CNTNAP2: variants seen among roughly 807,000 people sequenced by gnomAD.
The protein encoded by CNTNAP2 is contactin associated protein 2.
A neutral mutation model predicts 155.2 loss-of-function variants in CNTNAP2; 98 were observed. That is an observed-to-expected ratio of 0.63 (90% CI 0.54 to 0.75). The LOEUF is 0.75. Ranked by LOEUF, CNTNAP2 falls within the 30% of genes least tolerant of loss-of-function variation. The pLI is 0.00. For missense variants in CNTNAP2, 1,727 were observed against 1,688.1 expected, an observed-to-expected ratio of 1.02 and a Z score of -0.40; for synonymous variants, 651 against 631.2, an observed-to-expected ratio of 1.03 and a Z score of -0.47.
At chr7:147,826,611 C>T (rs1226073318) in intron 13 of CNTNAP2, among the ~76,000 whole-genome samples, 2 of 152,142 alleles carry the variant, frequency 1.3e-5, no homozygotes, top group Non-Finnish European at 2.9e-5. Flanking sequence ...GGCATTTATA[C>T]CCCAGGTTTT....
chr7:147,411,949 G>A (rs1182094066), intron 10 of CNTNAP2, among the ~76,000 whole-genome samples: 2 of 151,972 alleles, frequency 1.3e-5, no homozygotes, highest in Non-Finnish European at 2.9e-5. Context: ...ATTTGATGCA[G>A]CATTTATCTT....
At chr7:148,382,907 A>G (rs569656838) in intron 21 of CNTNAP2, among the ~76,000 whole-genome samples, 1 of 152,348 alleles carries the variant, frequency 6.6e-6, no homozygotes, top group East Asian at 1.9e-4. Context: ...AACTGGTATA[A>G]CAACGTGTGG....
intron 1 of CNTNAP2, among the ~76,000 whole-genome samples, chr7:146,524,434 T>A (rs17170125): frequency 6.6e-6 from 1 of 151,800 alleles, no homozygotes; most frequent in Non-Finnish European, 1.5e-5. Flanking sequence ...CTTGACAGCA[T>A]ATTGAAGAGT....
Position 147,147,106 on chromosome 7 carries a change from C to T in CNTNAP2, c.1348+14597C>T, listed in dbSNP as rs142498795. Among the ~76,000 whole-genome samples, 874 of 152,058 alleles carry T rather than the reference C, an allele frequency of 5.7e-3. 11 individuals are homozygous for T. Among genetic ancestry groups the T allele is most frequent in the African/African-American group, 0.019 (801 of 41,470 alleles). ...GGGAAACTTACAATCATGGCAGAAGCGAAGGGGAAGCAAACTTGGAACTTT... is the reference window on the plus strand; with the variant it reads ...GGGAAACTTACAATCATGGCAGAAGTGAAGGGGAAGCAAACTTGGAACTTT... On this transcript the variant is annotated intron_variant, in intron 8 of 23. Transcript: ENST00000361727.
chr7:147,790,075 C>A (rs1797796404), intron 13 of CNTNAP2, among the ~76,000 whole-genome samples: 2 of 152,114 alleles, frequency 1.3e-5, no homozygotes, highest in Admixed American at 6.5e-5. Context: ...CTCTAGAGAA[C>A]CCTGACCTAC....
chr7:148,320,945 A>G (rs1797781706), intron 21 of CNTNAP2, among the ~76,000 whole-genome samples: 2 of 152,218 alleles, frequency 1.3e-5, no homozygotes, highest in Admixed American at 1.3e-4. Flanking sequence ...CTATTCGTCA[A>G]TGAGTGGAGA....
chr7:146,291,716 A>G (rs1800432037), intron 1 of CNTNAP2, among the ~76,000 whole-genome samples: 1 of 152,212 alleles, frequency 6.6e-6, no homozygotes, highest in Non-Finnish European at 1.5e-5. Flanking sequence ...AAAAAGGACC[A>G]AATATCTATA....
At chr7:146,919,334 G>A (rs6951236) in intron 3 of CNTNAP2, among the ~76,000 whole-genome samples, 2,764 of 152,240 alleles carry the variant, frequency 0.018, 73 homozygotes, top group African/African-American at 0.062. Flanking sequence ...GAAGATCTGG[G>A]ACTCAAGGGC....
chr7:146,202,439 A>G (rs1023715933), intron 1 of CNTNAP2, among the ~76,000 whole-genome samples: 1 of 152,176 alleles, frequency 6.6e-6, no homozygotes, highest in Admixed American at 6.5e-5. Context: ...TCTAATTTGA[A>G]TGTTAAAAAT....
intron 1 of CNTNAP2, among the ~76,000 whole-genome samples, chr7:146,614,371 A>G (rs551016575): frequency 3.3e-5 from 5 of 152,364 alleles, no homozygotes; most frequent in Non-Finnish European, 7.3e-5. Context: ...TTATACTGAT[A>G]CTATACATGA....
intron 15 of CNTNAP2, among the ~76,000 whole-genome samples, chr7:148,078,631 C>A (rs1167519838): frequency 6.6e-6 from 1 of 152,114 alleles, no homozygotes; most frequent in African/African-American, 2.4e-5. Flanking sequence ...CAGGTGCCCA[C>A]CACCATGCCC....
chr7:147,700,951 G>A (rs1444215595), intron 13 of CNTNAP2, among the ~76,000 whole-genome samples: 7 of 152,168 alleles, frequency 4.6e-5, no homozygotes, highest in Admixed American at 4.6e-4. Context: ...CGCTGGGCAG[G>A]GGGTCTCTGT....
intron 1 of CNTNAP2, among the ~76,000 whole-genome samples, chr7:146,619,688 T>G (rs55894155): frequency 6.6e-6 from 1 of 152,118 alleles, no homozygotes; most frequent in Non-Finnish European, 1.5e-5. Flanking sequence ...AACAAGTGGG[T>G]ATGTAAGGAG....
At chr7:147,126,757 G>GC (rs1164261192) in intron 6 of CNTNAP2, among the ~76,000 whole-genome samples, 1 of 152,202 alleles carries the variant, frequency 6.6e-6, no homozygotes, top group African/African-American at 2.4e-5. Context: ...ACAGGTGTGA[G>GC]CCACCATGCC....
chr7:146,460,139 C>T (rs927302643), intron 1 of CNTNAP2, among the ~76,000 whole-genome samples: 3 of 152,074 alleles, frequency 2.0e-5, no homozygotes, highest in African/African-American at 7.2e-5. Context: ...GTTGACAACA[C>T]CTGTGATAGG....
intron 3 of CNTNAP2, among the ~76,000 whole-genome samples, chr7:147,042,193 G>T (rs957634961): frequency 6.6e-6 from 1 of 152,160 alleles, no homozygotes; most frequent in Admixed American, 6.6e-5. Flanking sequence ...ATTTTTAAAA[G>T]GCAGTGGTAG....
chr7:148,097,495 G>T (rs903397110), intron 15 of CNTNAP2, among the ~76,000 whole-genome samples: 9 of 151,808 alleles, frequency 5.9e-5, no homozygotes, highest in African/African-American at 1.7e-4. Context: ...TCTTTTTTGG[G>T]GGGGCGGGGC....
intron 1 of CNTNAP2, among the ~76,000 whole-genome samples, chr7:146,713,876 T>C (rs1801141146): frequency 1.3e-5 from 2 of 152,024 alleles, no homozygotes; most frequent in Non-Finnish European, 2.9e-5. Context: ...CTGTTTCCTA[T>C]CCACAGAGCT....
At chr7:147,993,656 A>T (rs1198014492) in intron 15 of CNTNAP2, among the ~76,000 whole-genome samples, 1 of 152,240 alleles carries the variant, frequency 6.6e-6, no homozygotes, top group Admixed American at 6.5e-5. Context: ...GCCATATCAC[A>T]TCTGAAACCA....
Sources: allele counts gnomAD v4.1 joint callset (sites outside exome capture counted in the v4.1 genomes callset), GRCh38; gene constraint gnomAD v4.1.1; transcripts MANE v1.5; gene names NCBI Gene and HGNC (gene_info 2026-07-23, HGNC 2026-07-21).